The following ACIN1 variants were observed in gnomAD, a reference collection of about 807,000 sequenced individuals.
The protein encoded by ACIN1 is apoptotic chromatin condensation inducer in the nucleus.
A neutral mutation model predicts 146.6 loss-of-function variants in ACIN1; 16 were observed. The ratio of observed to expected loss-of-function variants is 0.11; its 90% CI spans 0.07 to 0.17. ACIN1 has a LOEUF of 0.17. Among genes scored for constraint, ACIN1 ranks in the 10% least tolerant of loss-of-function variants. ACIN1 has a pLI of 1.00. For synonymous variants in ACIN1, 569 were observed against 582.7 expected (o/e 0.98, Z 0.34); for missense variants, 1,357 against 1,609.3 (o/e 0.84, Z 2.68).
Position 23,088,895 on chromosome 14 carries a change from A to G in ACIN1, c.436+1087T>C, listed in dbSNP as rs1346717517. ...CCTTTGAGTGTCATGTGAATACTCA[A>G]AAAGTTTTGGGTCTTTGGATTAGGC... On this transcript the variant is annotated intron_variant, in intron 4 of 18. Transcript: ENST00000605057. 2.6e-5 allele frequency among the ~76,000 whole-genome samples: 4 copies of G among 152,204 alleles called. No homozygotes were observed. In the East Asian group the frequency reaches 5.8e-4, roughly 22 times the overall value.
chr14:23,093,300 G>A (rs367994353), intron 2 of ACIN1, among the ~76,000 whole-genome samples, 179 bp downstream of exon 2: 1 of 152,184 alleles, frequency 6.6e-6, no homozygotes, highest in Non-Finnish European at 1.5e-5. Flanking sequence ...CTTTACTCCA[G>A]GCCCTTGTAT....
intron 4 of ACIN1, among the ~76,000 whole-genome samples, chr14:23,084,887 T>C (rs979652647): frequency 6.6e-6 from 1 of 152,282 alleles, no homozygotes; most frequent in East Asian, 1.9e-4. Context: ...ATTTCATAAT[T>C]CAGTGATCTG....
Position 23,080,230 on chromosome 14 carries a change from G to C in ACIN1, c.1105C>G (p.Pro369Ala), listed in dbSNP as rs759284955. The change falls in exon 6 of 19, where the codon CCA becomes GCA. Residue 369 changes from proline (P) to alanine (A), a missense_variant. Physicochemically the swap from Pro to Ala is conservative, Grantham distance 27 (BLOSUM62 -1). This residue lies in a region of ACIN1 where 771 missense variants were observed against 746.6 expected (regional missense o/e 1.03). Transcript: ENST00000605057. ...TCGCTATGGAGCTGTGGATGAGGTG[G>C]TGGAGAAGATGCTTCCTTTGTTAGT... ...PLLTKEASSP[P>A]PHPQLHSEEE... is the part of the protein sequence containing the mutation. The C allele has an allele frequency of 1.2e-6, 2 of 1,614,090 alleles. No individual in the cohort carries two copies. Among genetic ancestry groups the C allele is most frequent in the African/African-American group, 2.7e-5 (2 of 74,940 alleles).
rs568195379 is a variant in ACIN1 at position 23,064,504 on chromosome 14, A to G, written c.2309-16T>C. 1.2e-4 allele frequency: 189 copies of G among 1,613,344 alleles called. 3 individuals are homozygous for G. In the South Asian group the frequency reaches 1.8e-3, roughly 15 times the overall value. On this transcript the variant is annotated splice_polypyrimidine_tract_variant and intron_variant, in intron 10 of 18. Coordinates refer to ENST00000605057, the MANE Select transcript of ACIN1 (RefSeq NM_001386863.1). ...TTGGTAGCTGCTGTCCCCAAGAAAT[A>G]GACCCAACAGTTAGATGGTCTCAGG...
chr14:23,063,548 C>T lies in ACIN1; in HGVS notation c.2625G>A (p.Gly875=). The change falls in exon 13 of 19, where the codon GGG becomes GGA. Residue 875 remains glycine (G), a synonymous_variant. Coordinates refer to ENST00000605057, the MANE Select transcript of ACIN1 (RefSeq NM_001386863.1). The part of the protein sequence containing the change: ...QVVPAEGQEN[G]QREEEEEEKE... ...TCTCTTCTTCCTCTTCTTCCCTCTG[C>T]CCATTCTCCTGGCCCTCTGCAGGTA... 6.2e-7 allele frequency: 1 copy of T among 1,614,202 alleles called. No homozygotes were observed. The highest frequency in any genetic ancestry group is 8.5e-7 in the Non-Finnish European group (1 of 1,180,044).
In ACIN1 at chr14:23,064,105, C is replaced by T. The variant is rs1431504692; in HGVS notation, c.2595G>A (p.Gln865=). 3 of 1,614,010 alleles carry T rather than the reference C, an allele frequency of 1.9e-6. No homozygotes were observed. The highest frequency in any genetic ancestry group is 2.5e-6 in the Non-Finnish European group (3 of 1,180,042). The change falls in exon 12 of 19, where the codon CAG becomes CAA. Residue 865 remains glutamine (Q), a splice_region_variant and synonymous_variant. Coordinates refer to ENST00000605057, the MANE Select transcript of ACIN1 (RefSeq NM_001386863.1). ...KGLKICRTVT[Q]VVPAEGQENG... ...TGACACTGGGGTGCAGAAGCCTTAC[C>T]TGAGTGACTGTCCGGCATATTTTCA...
intron 1 of ACIN1, chr14:23,094,738 T>A (rs1042018946): frequency 4.2e-6 from 3 of 712,008 alleles, no homozygotes; most frequent in Non-Finnish European, 2.3e-6. Flanking sequence ...AAGACACTCC[T>A]GGAGAGTAGT....
intron 4 of ACIN1, among the ~76,000 whole-genome samples, 182 bp from the exon 5 acceptor site, chr14:23,082,018 G>A (rs909892821): frequency 3.3e-5 from 5 of 151,984 alleles, no homozygotes; most frequent in African/African-American, 1.2e-4. Context: ...ACTAGGTCAG[G>A]GTCTTATTGG....
In ACIN1 at chr14:23,067,887, G is replaced by A; in HGVS notation, c.2265+1589C>T. The A allele has an allele frequency of 1.0e-6, 1 of 985,844 alleles. No individual in the cohort carries two copies. Among genetic ancestry groups the A allele is most frequent in the Non-Finnish European group, 1.2e-6 (1 of 829,932 alleles). The allele number at this position is 985,844 out of a possible 1,614,324, so 61.1% of individuals were successfully genotyped here. A position where few individuals can be genotyped will look rare whatever the true frequency, so the allele number is the denominator to read the frequency against. ...GCCTGGGGGTAGGTGAATACCCCAG[G>A]ACCTGGCAGACATTCAGCAGCAAGG... On this transcript the variant is annotated intron_variant, in intron 9 of 18. Transcript: ENST00000605057. This position sits in a 1 kb window ranked among gnomAD's most constrained non-coding sequence, Gnocchi z 4.6.
intron 1 of ACIN1, 101 bp downstream of exon 1, chr14:23,094,874 C>T (rs888837407): frequency 4.8e-6 from 7 of 1,458,072 alleles, no homozygotes; most frequent in Non-Finnish European, 6.4e-6. Context: ...GCGGCCTGAG[C>T]GAGCTCGCGC....
chr14:23,067,483 C>A lies in ACIN1; in HGVS notation c.2266-1475G>T, dbSNP rs2047494404. On this transcript the variant is annotated intron_variant, in intron 9 of 18. Coordinates refer to ENST00000605057, the MANE Select transcript of ACIN1 (RefSeq NM_001386863.1). This position sits in a 1 kb window ranked among gnomAD's most constrained non-coding sequence, Gnocchi z 4.6. ...TAGTCAGCACGGCACTGCCAGAGTC[C>A]TCCCAGGGGCGCAGGGGGGGCGGGA... 1 of 982,538 alleles carries A rather than the reference C, an allele frequency of 1.0e-6. No individual in the cohort carries two copies. Among genetic ancestry groups the A allele is most frequent in the African/African-American group, 1.8e-5 (1 of 56,544 alleles). 60.9% of individuals were successfully genotyped at this position (982,538 alleles called of 1,614,324 possible).
chr14:23,071,174 T>A lies in ACIN1; in HGVS notation c.2124-1557A>T, dbSNP rs1335783044. 4.5e-6 allele frequency: 7 copies of A among 1,547,662 alleles called. No homozygotes were observed. In the South Asian group the frequency reaches 8.5e-5, roughly 19 times the overall value. On this transcript the variant is annotated intron_variant, in intron 8 of 18. Transcript: ENST00000605057. ...ATTTTTTTTCTCCCCCTGGAAGTGC[T>A]GTTTATCCCTTTCTGGAATGGAAGA... is the stretch of plus-strand genomic sequence containing the variant.
In ACIN1 at chr14:23,090,712, G is replaced by C. The variant is rs1023871253; in HGVS notation, c.205-79C>G. ...AAAGAAGAACATTCCATGGAGCAAA[G>C]GTCCACTCCTTATAGTTGCGCCCAA... On this transcript the variant is annotated intron_variant, in intron 2 of 18. Coordinates refer to ENST00000605057, the MANE Select transcript of ACIN1 (RefSeq NM_001386863.1). 11 of 1,104,866 alleles carry C rather than the reference G, an allele frequency of 1.0e-5. No homozygotes were observed. In the African/African-American group the frequency reaches 1.7e-4, roughly 17 times the overall value. 68.4% of individuals were successfully genotyped at this position (1,104,866 alleles called of 1,614,324 possible).
chr14:23,090,731 C>G, intron 2 of ACIN1, 98 bp from the exon 3 acceptor site: 1 of 839,948 alleles, frequency 1.2e-6, no homozygotes, highest in East Asian at 2.7e-5. Context: ...CTTATAGTTG[C>G]GCCCAAGAAA....
chr14:23,060,147 G>A (rs1435379814), intron 18 of ACIN1, among the ~76,000 whole-genome samples: 5 of 150,884 alleles, frequency 3.3e-5, no homozygotes, highest in African/African-American at 1.2e-4. Flanking sequence ...TAGTAGAGAT[G>A]GGGTTTCACC....
chr14:23,075,078 G>C (rs541643225), intron 8 of ACIN1, among the ~76,000 whole-genome samples: 1 of 152,146 alleles, frequency 6.6e-6, no homozygotes, highest in Admixed American at 6.5e-5. Flanking sequence ...CATCATTTGG[G>C]ATATTGGCAT....
intron 4 of ACIN1, among the ~76,000 whole-genome samples, chr14:23,083,761 G>C (rs1043433847): frequency 2.0e-5 from 3 of 152,072 alleles, no homozygotes; most frequent in African/African-American, 7.2e-5. Flanking sequence ...ATGTACAGTA[G>C]CAATACTAAC....
At chr14:23,059,961 T>TTG (rs2047222770) in intron 18 of ACIN1, among the ~76,000 whole-genome samples, 1 of 143,902 alleles carries the variant, frequency 6.9e-6, no homozygotes, top group Non-Finnish European at 1.5e-5. Flanking sequence ...CGCCAGTTTT[T>TTG]TTTTTTTTTT....
In ACIN1 at chr14:23,095,049, G is replaced by A. The variant is rs528685204; in HGVS notation, c.64C>T (p.Leu22=). The part of the protein sequence containing the change: ...KPLQALRVTD[L]KAALEQRGLA... ...CCTCGCTGCTCCAGTGCGGCCTTCAGGTCGGTCACCCGCAGCGCCTGAAGA... is the reference window on the plus strand; with the variant it reads ...CCTCGCTGCTCCAGTGCGGCCTTCAAGTCGGTCACCCGCAGCGCCTGAAGA... The change falls in exon 1 of 19, where the codon CTG becomes TTG. Residue 22 remains leucine, a synonymous_variant. Transcript: ENST00000605057. 5 of 1,613,790 alleles carry A rather than the reference G, an allele frequency of 3.1e-6. No homozygotes were observed. The East Asian group carries it at 6.7e-5, about 22-fold the overall frequency.
Sources: gnomAD v4.1 joint callset for allele counts (sites outside exome capture counted in the v4.1 genomes callset) on GRCh38, gnomAD v4.1.1 for gene constraint, gnomAD v4.1.1 regional missense constraint, Gnocchi (gnomAD v3.1) non-coding constraint, MANE v1.5 for transcripts, NCBI Gene and HGNC (gene_info 2026-07-23, HGNC 2026-07-21) for gene names.